BABAM2: variants seen among roughly 807,000 people sequenced by gnomAD.
The protein encoded by BABAM2 is BRISC and BRCA1 A complex member 2, also known as BRISC and BRCA1-A complex member 2.
Under a neutral mutation model 54.7 loss-of-function variants are expected in BABAM2, and 31 were observed. That is an observed-to-expected ratio of 0.57 (90% confidence interval 0.43 to 0.77). BABAM2 has a LOEUF of 0.77. Ranked by LOEUF, BABAM2 falls within the 30% of genes least tolerant of loss-of-function variation. The probability of loss-of-function intolerance (pLI) is 0.00; values close to 1 mark genes in which losing one functional copy is unlikely to be tolerated. For missense variants in BABAM2, 364 were observed against 455.8 expected (o/e 0.80, Z 1.83); for synonymous variants, 167 against 162.9 (o/e 1.03, Z -0.19).
chr2:28,208,578 T>C (rs1169301499), intron 7 of BABAM2, among the ~76,000 whole-genome samples: 1 of 152,006 alleles, frequency 6.6e-6, no homozygotes, highest in African/African-American at 2.4e-5. Context: ...TTTCCTTTCT[T>C]CCTTCCCTCC....
chr2:27,967,326 AG>A (rs1227063243), intron 3 of BABAM2, among the ~76,000 whole-genome samples: 1 of 152,130 alleles, frequency 6.6e-6, no homozygotes, highest in Non-Finnish European at 1.5e-5. Flanking sequence ...TGGTTCTATA[AG>A]GGGGAATTTC....
chr2:27,967,621 A>T (rs576383917), intron 3 of BABAM2, among the ~76,000 whole-genome samples: 2 of 152,184 alleles, frequency 1.3e-5, no homozygotes, highest in Non-Finnish European at 2.9e-5. Context: ...AGAGATTGGA[A>T]CAGTTTGGAG....
intron 6 of BABAM2, among the ~76,000 whole-genome samples, chr2:28,078,896 C>T (rs1664924545): frequency 6.6e-6 from 1 of 152,152 alleles, no homozygotes; most frequent in Non-Finnish European, 1.5e-5. Flanking sequence ...TTCCCTTCCT[C>T]CCTTCCTCTG....
chr2:28,118,625 T>C (rs894676924), intron 6 of BABAM2, among the ~76,000 whole-genome samples: 3 of 152,178 alleles, frequency 2.0e-5, no homozygotes, highest in Non-Finnish European at 4.4e-5. Flanking sequence ...ATATTAGCCC[T>C]TTGTCAGATA....
At chr2:28,028,474 G>A (rs1269782211) in intron 5 of BABAM2, among the ~76,000 whole-genome samples, 1 of 151,708 alleles carries the variant, frequency 6.6e-6, no homozygotes, top group Non-Finnish European at 1.5e-5. Flanking sequence ...GCCACTTAGA[G>A]GGAGCCTACC....
intron 3 of BABAM2, among the ~76,000 whole-genome samples, chr2:27,959,595 A>G (rs1670327098): frequency 6.6e-6 from 1 of 150,644 alleles, no homozygotes; most frequent in African/African-American, 2.4e-5. Context: ...CACTTCTGAG[A>G]TGTTGTGACT....
At chr2:28,039,446 A>G (rs966828670) in intron 5 of BABAM2, among the ~76,000 whole-genome samples, 6 of 152,254 alleles carry the variant, frequency 3.9e-5, no homozygotes, top group African/African-American at 1.4e-4. Flanking sequence ...CTAAGGAACA[A>G]TCTCCAGATT....
At chr2:28,116,849 T>C (rs1668657451) in intron 6 of BABAM2, among the ~76,000 whole-genome samples, 1 of 152,186 alleles carries the variant, frequency 6.6e-6, no homozygotes, top group African/African-American at 2.4e-5. Flanking sequence ...ATTTAGCATG[T>C]CATATGGAAA....
intron 6 of BABAM2, among the ~76,000 whole-genome samples, chr2:28,078,027 G>A (rs1303913685): frequency 6.6e-6 from 1 of 151,948 alleles, no homozygotes; most frequent in African/African-American, 2.4e-5. Flanking sequence ...AAATTAAATG[G>A]AAAATTCCAG....
At chr2:27,917,727 C>T (rs1302138760) in intron 2 of BABAM2, among the ~76,000 whole-genome samples, 1 of 151,950 alleles carries the variant, frequency 6.6e-6, no homozygotes, top group Non-Finnish European at 1.5e-5. Flanking sequence ...TTATTGTGTA[C>T]CTCTGCTACA....
intron 10 of BABAM2, among the ~76,000 whole-genome samples, chr2:28,293,598 A>G (rs965010456): frequency 3.9e-5 from 6 of 152,218 alleles, no homozygotes; most frequent in Admixed American, 3.9e-4. Context: ...GCAGAGCTTA[A>G]TTCTTCCTCC....
chr2:28,319,407 G>A (rs543040902), intron 11 of BABAM2, among the ~76,000 whole-genome samples: 1 of 152,244 alleles, frequency 6.6e-6, no homozygotes, highest in East Asian at 1.9e-4. Context: ...TTCAGCCCCC[G>A]TTTGCTCTCT....
intron 11 of BABAM2, among the ~76,000 whole-genome samples, chr2:28,316,748 T>C (rs1689593137): frequency 6.6e-6 from 1 of 152,164 alleles, no homozygotes; most frequent in Admixed American, 6.5e-5. Flanking sequence ...GATGCGTGTG[T>C]GAGTGACTTG....
At chr2:28,134,863 T>C (rs34967399) in intron 7 of BABAM2, among the ~76,000 whole-genome samples, 1,620 of 152,272 alleles carry the variant, frequency 0.011, 14 homozygotes, top group Non-Finnish European at 0.016. Context: ...TCAGAACAAA[T>C]ATGGCAAGTT....
At chr2:27,981,456 A>G (rs1424180380) in intron 3 of BABAM2, among the ~76,000 whole-genome samples, 1 of 152,160 alleles carries the variant, frequency 6.6e-6, no homozygotes, top group African/African-American at 2.4e-5. Flanking sequence ...CTAATTTCAG[A>G]AAATATTTAT....
intron 3 of BABAM2, among the ~76,000 whole-genome samples, chr2:27,934,426 C>T (rs1482642587): frequency 1.3e-5 from 2 of 152,068 alleles, no homozygotes; most frequent in Non-Finnish European, 1.5e-5. Context: ...CGTCCTTTTT[C>T]CTTTCTCCCT....
chr2:28,111,098 A>C (rs981728561), intron 6 of BABAM2, among the ~76,000 whole-genome samples: 5 of 144,904 alleles, frequency 3.5e-5, no homozygotes, highest in African/African-American at 1.3e-4. Context: ...CCTCCCAAGT[A>C]TCTGGGATTA....
chr2:28,182,730 C>T (rs773406867), intron 7 of BABAM2, among the ~76,000 whole-genome samples: 130 of 152,286 alleles, frequency 8.5e-4, no homozygotes, highest in Non-Finnish European at 1.4e-3. Context: ...ATCTGTATAC[C>T]GTTACTTTAA....
At chr2:28,094,119 C>T (rs1464405935) in intron 6 of BABAM2, among the ~76,000 whole-genome samples, 1 of 152,056 alleles carries the variant, frequency 6.6e-6, no homozygotes, top group Non-Finnish European at 1.5e-5. Context: ...ACATTTAAAT[C>T]AGATTTTCTA....
Sources: gnomAD v4.1 joint callset for allele counts (sites outside exome capture counted in the v4.1 genomes callset) on GRCh38, gnomAD v4.1.1 for gene constraint, MANE v1.5 for transcripts, NCBI Gene and HGNC (gene_info 2026-07-23, HGNC 2026-07-21) for gene names.